The following LUZP2 variants were observed in gnomAD, a reference collection of about 807,000 sequenced individuals.
The protein encoded by LUZP2 is leucine zipper protein 2.
Under a neutral mutation model 51.6 loss-of-function variants are expected in LUZP2, and 52 were observed. The ratio of observed to expected loss-of-function variants is 1.01; its 90% CI spans 0.81 to 1.27. The LOEUF (loss-of-function observed/expected upper bound fraction) is 1.27, where lower values mean the gene tolerates loss of function less well. Among genes scored for constraint, LUZP2 ranks in the 50% most tolerant of loss-of-function variants. LUZP2 has a pLI of 0.00. For synonymous variants in LUZP2, 154 were observed against 137.3 expected (o/e 1.12, Z -0.85); for missense variants, 436 against 395.4 (o/e 1.10, Z -0.87).
intron 9 of LUZP2, among the ~76,000 whole-genome samples, chr11:25,001,985 A>C: frequency 6.6e-6 from 1 of 152,180 alleles, no homozygotes; most frequent in East Asian, 1.9e-4. Flanking sequence ...GGGTTTTTGC[A>C]CTGAGTGCAA....
chr11:24,804,212 T>C (rs1849785539), intron 5 of LUZP2, among the ~76,000 whole-genome samples: 1 of 151,970 alleles, frequency 6.6e-6, no homozygotes, highest in Non-Finnish European at 1.5e-5. Flanking sequence ...TATCACAAAA[T>C]CACTAAGACA....
At chr11:24,941,374 T>C (rs1044477569) in intron 7 of LUZP2, among the ~76,000 whole-genome samples, 2 of 152,208 alleles carry the variant, frequency 1.3e-5, no homozygotes, top group Admixed American at 6.5e-5. Context: ...GAGAAAAATA[T>C]ATAAATCACA....
chr11:24,546,048 GAA>G (rs1417788392), intron 1 of LUZP2, among the ~76,000 whole-genome samples: 8 of 151,868 alleles, frequency 5.3e-5, no homozygotes, highest in Non-Finnish European at 1.2e-4. Flanking sequence ...TAGCAATTGT[GAA>G]ATGGGACTGC....
At chr11:24,667,184 C>CTTTTT (rs199740839) in intron 1 of LUZP2, among the ~76,000 whole-genome samples, 2 of 132,056 alleles carry the variant, frequency 1.5e-5, no homozygotes, top group East Asian at 2.2e-4. Context: ...TTCTTTTTTT[C>CTTTTT]TTTTTTTTTT....
intron 1 of LUZP2, among the ~76,000 whole-genome samples, chr11:24,540,866 A>G (rs372432386): frequency 2.2e-4 from 34 of 151,892 alleles, no homozygotes; most frequent in African/African-American, 7.8e-4. Flanking sequence ...TAAATAACAC[A>G]AAACAAAAAA....
chr11:24,976,535 A>G lies in LUZP2; in HGVS notation c.523-56A>G. The G allele has an allele frequency of 1.7e-6, 2 of 1,190,324 alleles. 1 individual carries two copies. Among genetic ancestry groups the G allele is most frequent in the South Asian group, 2.9e-5 (2 of 69,716 alleles). The allele number at this position is 1,190,324 out of a possible 1,614,324, so 73.7% of individuals were successfully genotyped here. On this transcript the variant is annotated intron_variant, in intron 7 of 11. Coordinates refer to ENST00000336930, the MANE Select transcript of LUZP2 (RefSeq NM_001009909.4). Reference sequence around the variant, plus strand: ...CTTTGGCAATATATGACAGATGCTTAAAGTACAGAGGGAAATTGCAGAATT... The same window carrying G: ...CTTTGGCAATATATGACAGATGCTTGAAGTACAGAGGGAAATTGCAGAATT...
intron 1 of LUZP2, among the ~76,000 whole-genome samples, chr11:24,606,323 A>G (rs1278246565): frequency 6.6e-6 from 1 of 152,024 alleles, no homozygotes; most frequent in East Asian, 1.9e-4. Context: ...TTTGGATTAA[A>G]TGATCTTGCC....
At chr11:24,502,055 C>T (rs1322708931) in intron 1 of LUZP2, among the ~76,000 whole-genome samples, 1 of 150,546 alleles carries the variant, frequency 6.6e-6, no homozygotes, top group African/African-American at 2.5e-5. Context: ...CCCATAACAC[C>T]TACTTGAGAA....
At chr11:24,630,843 T>C (rs569225341) in intron 1 of LUZP2, among the ~76,000 whole-genome samples, 18 of 152,074 alleles carry the variant, frequency 1.2e-4, no homozygotes, top group African/African-American at 4.3e-4. Flanking sequence ...TGGGGTGTTT[T>C]TCATTTGTTT....
chr11:24,777,522 T>A (rs1370124772), intron 5 of LUZP2, among the ~76,000 whole-genome samples: 1 of 152,186 alleles, frequency 6.6e-6, no homozygotes, highest in African/African-American at 2.4e-5. Flanking sequence ...ATTATCCTAG[T>A]GGATTCCTAA....
intron 7 of LUZP2, among the ~76,000 whole-genome samples, chr11:24,933,416 T>A (rs1854508544): frequency 6.6e-6 from 1 of 152,176 alleles, no homozygotes; most frequent in South Asian, 2.1e-4. Context: ...AGCTCAGAGT[T>A]TTAAAGTAAC....
At chr11:24,683,527 A>C (rs991782850) in intron 1 of LUZP2, among the ~76,000 whole-genome samples, 7 of 152,180 alleles carry the variant, frequency 4.6e-5, no homozygotes, top group Non-Finnish European at 1.0e-4. Context: ...TAGATTCTTA[A>C]ATTTGCATAA....
chr11:24,685,523 G>C (rs982257193), intron 1 of LUZP2, among the ~76,000 whole-genome samples: 1 of 152,012 alleles, frequency 6.6e-6, no homozygotes, highest in Non-Finnish European at 1.5e-5. Context: ...TATGTCTTCT[G>C]GCTATGACAA....
intron 1 of LUZP2, among the ~76,000 whole-genome samples, chr11:24,704,258 C>A (rs982304570): frequency 6.6e-6 from 1 of 152,132 alleles, no homozygotes; most frequent in Non-Finnish European, 1.5e-5. Flanking sequence ...CAGAGTTAAA[C>A]TTATATTTAT....
intron 10 of LUZP2, among the ~76,000 whole-genome samples, chr11:25,064,841 T>A (rs143036653): frequency 3.0e-4 from 46 of 152,174 alleles, no homozygotes; most frequent in Admixed American, 6.6e-4. Flanking sequence ...AAACATTTGA[T>A]AGTATGTCTT....
At chr11:25,055,112 G>A (rs765643915) in intron 10 of LUZP2, among the ~76,000 whole-genome samples, 2 of 144,386 alleles carry the variant, frequency 1.4e-5, no homozygotes, top group Non-Finnish European at 3.2e-5. Flanking sequence ...CTGGGTTCAA[G>A]CGATTCTCCT....
At chr11:25,014,982 C>A (rs980212401) in intron 9 of LUZP2, among the ~76,000 whole-genome samples, 1 of 151,996 alleles carries the variant, frequency 6.6e-6, no homozygotes, top group African/African-American at 2.4e-5. Flanking sequence ...TAGCCAGTTT[C>A]CCCAGCACCC....
chr11:24,976,556 G>C, intron 7 of LUZP2, 35 bp from the exon 8 acceptor site: 1 of 1,479,290 alleles, frequency 6.8e-7, no homozygotes, highest in Non-Finnish European at 9.2e-7. Context: ...GGAAATTGCA[G>C]AATTTATCTA....
intron 1 of LUZP2, among the ~76,000 whole-genome samples, chr11:24,696,314 CA>C (rs879913770): frequency 6.6e-6 from 1 of 151,912 alleles, no homozygotes; most frequent in Non-Finnish European, 1.5e-5. Flanking sequence ...AGTCACCAGA[CA>C]AACAAAAAGG....
Sources: allele counts gnomAD v4.1 joint callset (sites outside exome capture counted in the v4.1 genomes callset), GRCh38; gene constraint gnomAD v4.1.1; transcripts MANE v1.5; gene names NCBI Gene and HGNC (gene_info 2026-07-23, HGNC 2026-07-21).